The following FAM83G variants were observed in gnomAD, a reference collection of about 807,000 sequenced individuals.
FAM83G encodes scaffolding CK1 anchoring protein G.
In FAM83G, 38 loss-of-function variants were observed where a neutral mutation model predicts 61.5. That is an observed-to-expected ratio of 0.62 (90% confidence interval 0.48 to 0.81). The LOEUF is 0.81. FAM83G is among the 30% of genes least tolerant of loss of function. The pLI is 0.00. For synonymous variants in FAM83G, 470 were observed against 476.1 expected, an observed-to-expected ratio of 0.99 and a Z score of 0.17; for missense variants, 989 against 1,133.6, an observed-to-expected ratio of 0.87 and a Z score of 1.83.
At chr17:18,980,960 C>T (rs138492456) in intron 3 of FAM83G, among the ~76,000 whole-genome samples, 9 of 152,292 alleles carry the variant, frequency 5.9e-5, no homozygotes, top group East Asian at 5.8e-4. Flanking sequence ...TTCTGGCTCT[C>T]GGCTATGACG....
At chr17:18,995,125 A>G (rs1200063009) in intron 2 of FAM83G, among the ~76,000 whole-genome samples, 1 of 152,242 alleles carries the variant, frequency 6.6e-6, no homozygotes, top group Non-Finnish European at 1.5e-5. Context: ...ATTAAAAATT[A>G]CCAGACACAC....
At position 18,971,481 on chromosome 17, in the gene FAM83G, C is replaced by A; in HGVS notation, c.2350G>T (p.Gly784Ter). Residue 784 changes from glycine (G) to a stop codon, truncating the protein, a stop_gained, in exon 6 of 6, where the codon GGA (glycine) becomes TGA (stop). Coordinates refer to ENST00000388995, the MANE Select transcript of FAM83G (RefSeq NM_001039999.3). LOFTEE classifies it high-confidence loss of function. This position sits in a 1 kb window ranked among gnomAD's most constrained non-coding sequence, Gnocchi z 5.5. ...RATEEHPSPF[G>*]IPYSKLSQSK... is the part of the protein sequence containing the mutation. ...TGAGACAGTTTGGAGTATGGGATTC[C>A]GAAGGGACTCGGATGCTCCTCGGTG... 6.2e-7 allele frequency: 1 copy of A among 1,614,010 alleles called. No homozygotes were observed. The highest frequency in any genetic ancestry group is 8.5e-7 in the Non-Finnish European group (1 of 1,180,038).
intron 2 of FAM83G, among the ~76,000 whole-genome samples, chr17:18,999,521 T>G (rs533613650): frequency 6.6e-6 from 1 of 152,252 alleles, no homozygotes; most frequent in South Asian, 2.1e-4. Context: ...CTCAGTTTCC[T>G]CATCTGCACA....
chr17:18,997,627 C>T (rs1378974487), intron 2 of FAM83G, among the ~76,000 whole-genome samples: 1 of 152,238 alleles, frequency 6.6e-6, no homozygotes, highest in Admixed American at 6.5e-5. Context: ...AAAGGACTTG[C>T]CCAAGGTCAC....
intron 2 of FAM83G, among the ~76,000 whole-genome samples, chr17:18,990,281 C>G (rs776539386): frequency 4.6e-5 from 7 of 152,152 alleles, no homozygotes; most frequent in Non-Finnish European, 1.0e-4. Flanking sequence ...AGAGAAGACA[C>G]GATGCAGGCA....
At chr17:18,977,531 G>A in intron 5 of FAM83G, 53 bp downstream of exon 5, 2 of 1,540,638 alleles carry the variant, frequency 1.3e-6, no homozygotes, top group African/African-American at 1.4e-5. Flanking sequence ...GAGCTCTTGG[G>A]TGGCTGGCAG....
At chr17:18,986,571 C>G (rs1286840957) in intron 3 of FAM83G, among the ~76,000 whole-genome samples, 2 of 152,356 alleles carry the variant, frequency 1.3e-5, no homozygotes, top group Middle Eastern at 3.4e-3. Context: ...AGGCCCCCCA[C>G]CTGCCCCATT....
chr17:18,970,675 A>G lies in FAM83G; in HGVS notation c.*684T>C, dbSNP rs372731745. On this transcript the variant is annotated 3_prime_UTR_variant, in exon 6 of 6. Transcript: ENST00000388995. Reference sequence around the variant, plus strand: ...TTACTTTTGCTTCCTTGAATCGACAATCGGAAACCTGGCTGAGAACCACTT... The same window carrying G: ...TTACTTTTGCTTCCTTGAATCGACAGTCGGAAACCTGGCTGAGAACCACTT... The G allele has an allele frequency of 1.5e-4, 50 of 332,592 alleles. No homozygotes were observed. Among genetic ancestry groups the G allele is most frequent in the African/African-American group, 9.6e-4 (46 of 48,096 alleles). 20.6% of individuals were successfully genotyped at this position (332,592 alleles called of 1,614,324 possible).
intron 3 of FAM83G, 45 bp downstream of exon 3, chr17:18,988,202 G>T: frequency 6.3e-7 from 1 of 1,591,540 alleles, no homozygotes; most frequent in South Asian, 1.1e-5. Flanking sequence ...CAGACTGAAT[G>T]ACCCCTGCCC....
In FAM83G at chr17:19,003,955, C is replaced by T. The variant is rs2043806880; in HGVS notation, c.87G>A (p.Glu29=). The T allele has an allele frequency of 6.2e-7, 1 of 1,612,950 alleles. No individual in the cohort carries two copies. Among genetic ancestry groups the T allele is most frequent in the Non-Finnish European group, 8.5e-7 (1 of 1,179,936 alleles). The part of the protein sequence containing the change: ...SESKPEFFYS[E]EQRLALEALV... The stretch of plus-strand genomic sequence containing the variant: ...GGGCCTCCAGCGCCAGCCGCTGCTC[C>T]TCGCTGTAGAAGAACTCAGGCTTGG... The change falls in exon 2 of 6, where the codon GAG becomes GAA. Residue 29 remains glutamate, a synonymous_variant. Coordinates refer to ENST00000388995, the MANE Select transcript of FAM83G (RefSeq NM_001039999.3). This position sits in a 1 kb window ranked among gnomAD's most constrained non-coding sequence, Gnocchi z 4.5.
In FAM83G at chr17:18,969,408, T is replaced by C; in HGVS notation, c.*1951A>G. 1 of 1,613,750 alleles carries C rather than the reference T, an allele frequency of 6.2e-7. No homozygotes were observed. Among genetic ancestry groups the C allele is most frequent in the South Asian group, 1.1e-5 (1 of 91,080 alleles). ...CTCATCATGGTGGTGGGGGCTGTCA[T>C]CCTGACAATCAAAGGTGAGGACAGA... On this transcript the variant is annotated 3_prime_UTR_variant, in exon 6 of 6. Transcript: ENST00000388995.
intron 3 of FAM83G, among the ~76,000 whole-genome samples, chr17:18,984,440 G>C (rs934006004): frequency 2.0e-5 from 3 of 152,106 alleles, no homozygotes; most frequent in Non-Finnish European, 2.9e-5. Flanking sequence ...CCCGGGGAAC[G>C]GGGGAACCTG....
Position 18,977,764 on chromosome 17 carries a change from T to A in FAM83G, c.1902A>T (p.Ser634=), listed in dbSNP as rs773273233. Reference sequence around the variant, plus strand: ...GGGTTGGCCCGTTGGCCACTTGCTCTGAGTGGCGCCTCCGGAGAGGGACTG... The same window carrying A: ...GGGTTGGCCCGTTGGCCACTTGCTCAGAGTGGCGCCTCCGGAGAGGGACTG... ...EHSVPLRRRH[S]EQVANGPTPP... Residue 634 remains serine (S), a synonymous_variant, in exon 5 of 6, where the codon TCA becomes TCT. Transcript: ENST00000388995. 3 of 1,604,130 alleles carry A rather than the reference T, an allele frequency of 1.9e-6. No homozygotes were observed. The highest frequency in any genetic ancestry group is 2.6e-6 in the Non-Finnish European group (3 of 1,175,270).
intron 2 of FAM83G, among the ~76,000 whole-genome samples, chr17:18,989,994 G>A (rs11649710): frequency 1.3e-5 from 2 of 152,212 alleles, no homozygotes; most frequent in Admixed American, 6.5e-5. Flanking sequence ...GGGACTCCCA[G>A]AACTCCAAGG....
At chr17:19,001,538 A>C (rs923277928) in intron 2 of FAM83G, among the ~76,000 whole-genome samples, 1 of 152,218 alleles carries the variant, frequency 6.6e-6, no homozygotes, top group Admixed American at 6.5e-5. Flanking sequence ...CTGGCACCCA[A>C]ACTGGAGACC....
intron 2 of FAM83G, among the ~76,000 whole-genome samples, chr17:18,992,648 C>T (rs572174126): frequency 1.4e-4 from 22 of 152,328 alleles, no homozygotes; most frequent in Middle Eastern, 3.4e-3. Flanking sequence ...CCAGCACCGG[C>T]GCCCAAGCTC....
chr17:18,992,157 G>A (rs2043442332), intron 2 of FAM83G, among the ~76,000 whole-genome samples: 1 of 152,102 alleles, frequency 6.6e-6, no homozygotes, highest in Admixed American at 6.5e-5. Context: ...CGCCCCGCCC[G>A]ATGAGCACCT....
intron 2 of FAM83G, among the ~76,000 whole-genome samples, chr17:18,991,001 T>A (rs1167432218): frequency 2.0e-5 from 3 of 152,198 alleles, no homozygotes; most frequent in African/African-American, 7.2e-5. Flanking sequence ...TCCTGGGCCC[T>A]TGAGCTGCTT....
chr17:19,006,016 T>G (rs1160601889), upstream of FAM83G, among the ~76,000 whole-genome samples: 1 of 152,170 alleles, frequency 6.6e-6, no homozygotes, highest in African/African-American at 2.4e-5. Context: ...CTCCCTGTGT[T>G]CTTACCAATG....
Sources: gnomAD v4.1 joint callset for allele counts (sites outside exome capture counted in the v4.1 genomes callset) on GRCh38, gnomAD v4.1.1 for gene constraint, Gnocchi (gnomAD v3.1) non-coding constraint, MANE v1.5 for transcripts, NCBI Gene and HGNC (gene_info 2026-07-23, HGNC 2026-07-21) for gene names.